Variants in CFAP74 observed in about 807,000 individuals in gnomAD.
The protein encoded by CFAP74 is cilia and flagella associated protein 74.
A neutral mutation model predicts 188.9 loss-of-function variants in CFAP74; 124 were observed. That is an observed-to-expected ratio of 0.66 (90% CI 0.57 to 0.76). The LOEUF is 0.76. Among genes scored for constraint, CFAP74 ranks in the 30% least tolerant of loss-of-function variants. CFAP74 has a pLI of 0.00. For synonymous variants in CFAP74, 956 were observed against 916.7 expected (o/e 1.04, Z -0.77); for missense variants, 2,198 against 2,165.2 (o/e 1.02, Z -0.30).
chr1:1,974,541 G>A (rs755950269), intron 6 of CFAP74, among the ~76,000 whole-genome samples: 5 of 152,274 alleles, frequency 3.3e-5, no homozygotes, highest in East Asian at 1.9e-4. Context: ...AGGGACAGCC[G>A]TGACTCTTTG....
intron 16 of CFAP74, among the ~76,000 whole-genome samples, 177 bp downstream of exon 16, chr1:1,958,943 T>C (rs1654863618): frequency 6.6e-6 from 1 of 152,154 alleles, no homozygotes; most frequent in Non-Finnish European, 1.5e-5. Flanking sequence ...CACCTAAGGT[T>C]CGGCTCAGGC....
At position 1,960,032 on chromosome 1, in the gene CFAP74, T is replaced by C; in HGVS notation, c.1695-2A>G. 6.3e-7 allele frequency: 1 copy of C among 1,592,694 alleles called. No homozygotes were observed. Among genetic ancestry groups the C allele is most frequent in the Non-Finnish European group, 8.5e-7 (1 of 1,171,394 alleles). On this transcript the variant is annotated splice_acceptor_variant, in intron 14 of 38. Coordinates refer to ENST00000682832, the MANE Select transcript of CFAP74 (RefSeq NM_001304360.2). LOFTEE classifies it high-confidence loss of function. ...GACAGGGGGCCAGGGGGGTCAAAGC[T>C]GCAGGACGTGACCCATAGCACACGG...
intron 27 of CFAP74, 188 bp from the exon 28 acceptor site, chr1:1,927,934 A>C (rs1196502161): frequency 1.6e-6 from 1 of 611,182 alleles, no homozygotes; most frequent in Non-Finnish European, 2.8e-6. Flanking sequence ...AGACCCCCAC[A>C]GAGCTGCTCA....
At position 1,922,238 on chromosome 1, in the gene CFAP74, A is replaced by G. The variant is rs927557586; in HGVS notation, c.*49T>C. The G allele has an allele frequency of 2.1e-6, 3 of 1,405,540 alleles. No homozygotes were observed. The African/African-American group carries it at 4.3e-5, about 20-fold the overall frequency. The allele number at this position is 1,405,540 out of a possible 1,614,324, so 87.1% of individuals were successfully genotyped here. A position where few individuals can be genotyped will look rare whatever the true frequency, so the allele number is the denominator to read the frequency against. On this transcript the variant is annotated 3_prime_UTR_variant, in exon 39 of 39. Coordinates refer to ENST00000682832, the MANE Select transcript of CFAP74 (RefSeq NM_001304360.2). ...GTATGACCTGGCCCTCAGCCTGGGG[A>G]GGGCTTTGAGGGTGGACAGGAGGGC...
intron 1 of CFAP74, among the ~76,000 whole-genome samples, chr1:2,003,486 C>A (rs1658301645): frequency 6.6e-6 from 1 of 152,184 alleles, no homozygotes; most frequent in African/African-American, 2.4e-5. Context: ...ATTATAACAT[C>A]TGCTGCAAAG....
chr1:1,972,803 C>T (rs1204875870), intron 8 of CFAP74, 134 bp downstream of exon 8: 16 of 702,802 alleles, frequency 2.3e-5, no homozygotes, highest in African/African-American at 9.0e-5. Context: ...GATCGCGCCA[C>T]GGCACCCCAG....
chr1:1,971,013 TGCACACA>T (rs1655953032), intron 9 of CFAP74, among the ~76,000 whole-genome samples, 197 bp from the exon 10 acceptor site: 1 of 119,364 alleles, frequency 8.4e-6, no homozygotes, highest in Non-Finnish European at 1.7e-5. Flanking sequence ...CACCTGCACA[TGCACACA>T]TCACACATGC....
At chr1:1,959,308 G>GTGCAGTGGCACCTGCTCGATTCAC in intron 15 of CFAP74, 99 bp from the exon 16 acceptor site, 1 of 789,552 alleles carries the variant, frequency 1.3e-6, no homozygotes, top group East Asian at 2.6e-5. Flanking sequence ...CCAGGCTGGG[G>GTGCAGTGGCACCTGCTCGATTCAC]TGCAGTGGCA....
chr1:1,930,393 G>C, intron 25 of CFAP74, 57 bp from the exon 26 acceptor site: 3 of 1,454,484 alleles, frequency 2.1e-6, no homozygotes, highest in Non-Finnish European at 2.7e-6. Context: ...GTCCCTCTGC[G>C]GCAGGCGCGG....
At chr1:1,943,398 A>G (rs2803330) in intron 21 of CFAP74, among the ~76,000 whole-genome samples, 99,300 of 152,088 alleles carry the variant, frequency 0.65, 34,022 homozygotes, top group Non-Finnish European at 0.77. Context: ...CAGCAGGAGG[A>G]CAGGCGCCGC....
At chr1:1,966,307 T>G (rs1004911704) in intron 12 of CFAP74, 64 bp downstream of exon 12, 13 of 1,381,398 alleles carry the variant, frequency 9.4e-6, no homozygotes, top group Middle Eastern at 2.0e-4. Flanking sequence ...GCGTGGGAGG[T>G]GGCGAGCCGG....
At chr1:1,998,121 T>A (rs1658011050) in intron 1 of CFAP74, among the ~76,000 whole-genome samples, 1 of 151,982 alleles carries the variant, frequency 6.6e-6, no homozygotes, top group African/African-American at 2.4e-5. Flanking sequence ...CTACTAAAAA[T>A]ACAAAAATTA....
At position 1,933,834 on chromosome 1, in the gene CFAP74, A is replaced by C. The variant is rs111660827; in HGVS notation, c.3012-3498T>G. ...CTTCTACTCTCTTTGGGTTTAATTT[A>C]CTGTGTTCTTTTCCTAATTCTTGAA... On this transcript the variant is annotated intron_variant, in intron 25 of 38. Coordinates refer to ENST00000682832, the MANE Select transcript of CFAP74 (RefSeq NM_001304360.2). Among the ~76,000 whole-genome samples the C allele has an allele frequency of 2.4e-3, 372 of 152,254 alleles. 1 individual carries two copies. The highest frequency in any genetic ancestry group is 8.3e-3 in the African/African-American group (346 of 41,550).
chr1:1,932,891 C>CT (rs1386467993), intron 25 of CFAP74, among the ~76,000 whole-genome samples: 90 of 134,666 alleles, frequency 6.7e-4, no homozygotes, highest in African/African-American at 9.6e-4. Flanking sequence ...TGTGCCCGAC[C>CT]TTTTTTTTTT....
intron 25 of CFAP74, among the ~76,000 whole-genome samples, chr1:1,930,843 A>T (rs1652312225): frequency 6.6e-6 from 1 of 152,218 alleles, no homozygotes; most frequent in Non-Finnish European, 1.5e-5. Flanking sequence ...AAATGGAAGC[A>T]CAGGTGTCTA....
chr1:1,959,082 G>A lies in CFAP74; in HGVS notation c.1851+38C>T. ...CCCCACTGGGGTTCCCAGCCAGCAT[G>A]CCCCGAGAAATGCTGGCTCGGACAC... On this transcript the variant is annotated intron_variant, in intron 16 of 38. Coordinates refer to ENST00000682832, the MANE Select transcript of CFAP74 (RefSeq NM_001304360.2). 2.1e-6 allele frequency: 3 copies of A among 1,435,722 alleles called. No individual in the cohort carries two copies. In the South Asian group the frequency reaches 3.5e-5, roughly 17 times the overall value. 88.9% of individuals were successfully genotyped at this position (1,435,722 alleles called of 1,614,324 possible).
chr1:2,001,693 T>C (rs1658218912), intron 1 of CFAP74, among the ~76,000 whole-genome samples: 1 of 152,134 alleles, frequency 6.6e-6, no homozygotes, highest in African/African-American at 2.4e-5. Context: ...ACCACCTTAA[T>C]CAAGAGCTCA....
At chr1:1,945,071 C>T (rs1653654696) in intron 20 of CFAP74, among the ~76,000 whole-genome samples, 1 of 152,050 alleles carries the variant, frequency 6.6e-6, no homozygotes, top group Non-Finnish European at 1.5e-5. Context: ...ACTTTGGAGG[C>T]CCAGGTGGGA....
chr1:1,927,979 C>A, intron 27 of CFAP74: 1 of 549,328 alleles, frequency 1.8e-6, no homozygotes, highest in Non-Finnish European at 3.2e-6. Context: ...GAGGATAAAC[C>A]GAGGCACGGA....
Sources: allele counts gnomAD v4.1 joint callset (sites outside exome capture counted in the v4.1 genomes callset), GRCh38; gene constraint gnomAD v4.1.1; transcripts MANE v1.5; gene names NCBI Gene and HGNC (gene_info 2026-07-23, HGNC 2026-07-21).